The following ABLIM1 variants were observed in gnomAD, a reference collection of about 807,000 sequenced individuals.
The protein encoded by ABLIM1 is actin binding LIM protein 1, also known as actin-binding LIM protein 1.
A neutral mutation model predicts 107.0 loss-of-function variants in ABLIM1; 40 were observed. The observed-to-expected ratio is 0.37, with a 90% CI of 0.29 to 0.49. The LOEUF (loss-of-function observed/expected upper bound fraction) is 0.49, where lower values mean the gene tolerates loss of function less well. Among genes scored for constraint, ABLIM1 ranks in the 20% least tolerant of loss-of-function variants. ABLIM1 has a pLI of 0.97. For missense variants in ABLIM1, 857 were observed against 1,008.5 expected, an observed-to-expected ratio of 0.85 and a Z score of 2.04; for synonymous variants, 357 against 357.3, an observed-to-expected ratio of 1.00 and a Z score of 0.01.
chr10:114,569,245 G>T (rs2138688047), intron 4 of ABLIM1, among the ~76,000 whole-genome samples: 1 of 152,178 alleles, frequency 6.6e-6, no homozygotes, highest in Non-Finnish European at 1.5e-5. Context: ...GATGGGCCTT[G>T]TGGACGTGTT....
intron 4 of ABLIM1, among the ~76,000 whole-genome samples, chr10:114,568,901 C>T (rs1343223537): frequency 6.6e-6 from 1 of 151,914 alleles, no homozygotes; most frequent in Non-Finnish European, 1.5e-5. Flanking sequence ...CATATAAAAA[C>T]AAAATATAGA....
chr10:114,755,339 C>T (rs1055045148), intron 1 of ABLIM1, among the ~76,000 whole-genome samples: 14 of 152,326 alleles, frequency 9.2e-5, no homozygotes, highest in African/African-American at 3.1e-4. Context: ...CTGTCTTCCA[C>T]GAAACCAGTC....
intron 4 of ABLIM1, among the ~76,000 whole-genome samples, chr10:114,563,089 A>C (rs1291224093): frequency 6.6e-6 from 1 of 152,228 alleles, no homozygotes; most frequent in Non-Finnish European, 1.5e-5. Flanking sequence ...TTTGGAAAAG[A>C]AGACATGCAA....
chr10:114,588,245 C>T (rs541182512), intron 2 of ABLIM1, among the ~76,000 whole-genome samples: 52 of 152,130 alleles, frequency 3.4e-4, no homozygotes, highest in Non-Finnish European at 6.3e-4. Flanking sequence ...ACAGGGCACA[C>T]CTGGGTACCA....
the ABLIM1 span, among the ~76,000 whole-genome samples, chr10:114,798,556 A>ACCCC: frequency 0.011 from 1,414 of 125,688 alleles, 52 homozygotes; most frequent in African/African-American, 0.035. Context: ...AGATGATGAG[A>ACCCC]CCCCCCCCCC....
the ABLIM1 span, among the ~76,000 whole-genome samples, chr10:114,798,259 A>G: frequency 6.6e-6 from 1 of 151,640 alleles, no homozygotes; most frequent in Non-Finnish European, 1.5e-5. Flanking sequence ...CATCTCTACT[A>G]AAAATACAAA....
intron 1 of ABLIM1, among the ~76,000 whole-genome samples, chr10:114,672,855 T>C (rs990557260): frequency 6.6e-6 from 1 of 152,216 alleles, no homozygotes; most frequent in African/African-American, 2.4e-5. Flanking sequence ...CATCATTTAC[T>C]GAAAAATCCA....
chr10:114,597,298 G>A (rs947433433), intron 2 of ABLIM1, among the ~76,000 whole-genome samples: 2 of 152,294 alleles, frequency 1.3e-5, no homozygotes, highest in Non-Finnish European at 2.9e-5. Flanking sequence ...TGATTAGGAT[G>A]GAGAGAGAAG....
At chr10:114,548,964 G>A (rs192867388) in intron 4 of ABLIM1, among the ~76,000 whole-genome samples, 11 of 152,260 alleles carry the variant, frequency 7.2e-5, no homozygotes, top group African/African-American at 2.6e-4. Flanking sequence ...TCCTAATGAC[G>A]CTTCTAGCCC....
intron 4 of ABLIM1, among the ~76,000 whole-genome samples, chr10:114,560,574 G>A (rs961637235): frequency 6.6e-6 from 1 of 152,202 alleles, no homozygotes; most frequent in African/African-American, 2.4e-5. Context: ...TAGCCTAGGA[G>A]TAATAGGCTA....
chr10:114,586,025 T>A (rs2074149069), intron 2 of ABLIM1, among the ~76,000 whole-genome samples: 1 of 152,174 alleles, frequency 6.6e-6, no homozygotes, highest in Admixed American at 6.5e-5. Context: ...CAGGCTGGTG[T>A]CTGGACCCTG....
chr10:114,472,004 G>C (rs907180177), intron 10 of ABLIM1, among the ~76,000 whole-genome samples: 2 of 151,956 alleles, frequency 1.3e-5, no homozygotes, highest in African/African-American at 4.8e-5. Flanking sequence ...GGACCGGGGA[G>C]GGGAGGACCC....
chr10:114,716,160 A>G (rs568244812), intron 1 of ABLIM1, among the ~76,000 whole-genome samples: 3 of 152,342 alleles, frequency 2.0e-5, no homozygotes, highest in African/African-American at 4.8e-5. Context: ...AGCTGACATT[A>G]TATGTCTCAG....
chr10:114,461,392 G>C (rs1396216788), intron 12 of ABLIM1, among the ~76,000 whole-genome samples: 1 of 102,374 alleles, frequency 9.8e-6, no homozygotes, highest in African/African-American at 5.1e-5. Context: ...ACAACTGAAG[G>C]GTTTTTTTTT....
intron 6 of ABLIM1, among the ~76,000 whole-genome samples, chr10:114,492,113 C>A (rs900807720): frequency 6.6e-6 from 1 of 151,986 alleles, no homozygotes; most frequent in African/African-American, 2.4e-5. Flanking sequence ...CCTTGCCTCT[C>A]GGTGTTTCTG....
At position 114,572,750 on chromosome 10, in the gene ABLIM1, G is replaced by A. The variant is rs1036005246; in HGVS notation, c.564-1344C>T. 3.3e-5 allele frequency among the ~76,000 whole-genome samples: 5 copies of A among 152,324 alleles called. No individual in the cohort carries two copies. In the South Asian group the frequency reaches 6.2e-4, roughly 19 times the overall value. On this transcript the variant is annotated intron_variant, in intron 3 of 22. Coordinates refer to ENST00000533213, the MANE Select transcript of ABLIM1 (RefSeq NM_002313.7). The stretch of plus-strand genomic sequence containing the variant: ...ACACTCATTAGCTAAACCTGAACAA[G>A]TCTTAAATCTGTTCTGTAAGGAGGG...
intron 4 of ABLIM1, among the ~76,000 whole-genome samples, chr10:114,556,942 C>G (rs150659310): frequency 1.3e-5 from 2 of 152,140 alleles, no homozygotes; most frequent in East Asian, 3.9e-4. Flanking sequence ...AAATTTGTTA[C>G]GCTAAGCACT....
chr10:114,658,546 T>C (rs554209945), upstream of ABLIM1, among the ~76,000 whole-genome samples: 3 of 152,342 alleles, frequency 2.0e-5, no homozygotes, highest in East Asian at 5.8e-4. Context: ...ATATTCAGTA[T>C]CATCTGGTAA....
intron 1 of ABLIM1, among the ~76,000 whole-genome samples, chr10:114,614,005 G>T (rs1036946118): frequency 1.3e-5 from 2 of 152,058 alleles, no homozygotes; most frequent in African/African-American, 2.4e-5. Context: ...GAGAAGAAAA[G>T]ATTATCTCCC....
Sources: gnomAD v4.1 joint callset for allele counts (sites outside exome capture counted in the v4.1 genomes callset) on GRCh38, gnomAD v4.1.1 for gene constraint, MANE v1.5 for transcripts, NCBI Gene and HGNC (gene_info 2026-07-23, HGNC 2026-07-21) for gene names.